BOC: variants seen among roughly 807,000 people sequenced by gnomAD.
BOC encodes brother of CDO.
A neutral mutation model predicts 112.0 loss-of-function variants in BOC; 76 were observed. The observed-to-expected ratio is 0.68, with a 90% CI of 0.56 to 0.82. The LOEUF (loss-of-function observed/expected upper bound fraction) is 0.82. BOC is among the 40% of genes least tolerant of loss of function. The pLI, the probability that BOC is intolerant of heterozygous loss-of-function variation, is 0.00. For synonymous variants in BOC, 580 were observed against 599.8 expected, an observed-to-expected ratio of 0.97 and a Z score of 0.48; for missense variants, 1,309 against 1,511.7, an observed-to-expected ratio of 0.87 and a Z score of 2.22.
chr3:113,284,555 C>T lies in BOC; in HGVS notation c.2877C>T (p.Gly959=), dbSNP rs765080286. ...TGAAGCCCCAGCAGCACTGCCCAGG[C>T]GAGCTTCAGCAGGTAGCGCATTCTT... is the stretch of plus-strand genomic sequence containing the variant. ...PGMKPQQHCP[G]ELQQQSDTSS... The change falls in exon 17 of 20, where the codon GGC becomes GGT. Residue 959 remains glycine (G), a synonymous_variant. Coordinates refer to ENST00000682979, the MANE Select transcript of BOC (RefSeq NM_001378074.1). 8.1e-6 allele frequency: 13 copies of T among 1,612,548 alleles called. No individual in the cohort carries two copies. The highest frequency in any genetic ancestry group is 5.5e-5 in the South Asian group (5 of 90,892).
chr3:113,261,971 TG>T (rs909249230), intron 4 of BOC: 13 of 150,606 alleles, frequency 8.6e-5, no homozygotes, highest in African/African-American at 2.7e-4. Flanking sequence ...TACAAAGGTT[TG>T]TTTTTTTTTT....
upstream of BOC, chr3:113,211,010 C>G (rs1486210689): frequency 6.6e-6 from 1 of 152,202 alleles, no homozygotes; most frequent in Non-Finnish European, 1.5e-5. Context: ...CCCAACCGAC[C>G]GAGGGGGTCG....
chr3:113,273,019 C>T (rs1948299152), intron 7 of BOC, 50 bp from the exon 8 acceptor site: 1 of 1,560,598 alleles, frequency 6.4e-7, no homozygotes, highest in African/African-American at 1.4e-5. Flanking sequence ...CCATCTGGCC[C>T]TGGGACAGAA....
chr3:113,264,773 C>A (rs1400435689), intron 4 of BOC, among the ~76,000 whole-genome samples: 1 of 152,090 alleles, frequency 6.6e-6, no homozygotes, highest in East Asian at 1.9e-4. Context: ...CTCAAGCAGC[C>A]AAATTGGGAG....
intron 2 of BOC, among the ~76,000 whole-genome samples, chr3:113,239,282 C>T (rs940427030): frequency 2.6e-5 from 4 of 152,056 alleles, no homozygotes; most frequent in Admixed American, 1.3e-4. Context: ...CAACACTGCT[C>T]ATGGCAGAGG....
intron 2 of BOC, among the ~76,000 whole-genome samples, chr3:113,245,858 G>C (rs1162570425): frequency 6.6e-6 from 1 of 152,204 alleles, no homozygotes; most frequent in Admixed American, 6.5e-5. Flanking sequence ...TTGTGTTTTA[G>C]ATCATAGAAG....
intron 2 of BOC, among the ~76,000 whole-genome samples, chr3:113,244,921 G>A (rs1490675978): frequency 6.6e-6 from 1 of 152,186 alleles, no homozygotes; most frequent in Non-Finnish European, 1.5e-5. Flanking sequence ...TTGCTAGGAG[G>A]TAGTGTTAAG....
At chr3:113,258,812 T>C (rs920410344) in intron 4 of BOC, among the ~76,000 whole-genome samples, 1 of 152,234 alleles carries the variant, frequency 6.6e-6, no homozygotes, top group African/African-American at 2.4e-5. Context: ...TTCCATACCA[T>C]AAGTTATGTG....
chr3:113,278,806 G>A lies in BOC; in HGVS notation c.1816+23G>A, dbSNP rs568724652. On this transcript the variant is annotated intron_variant, in intron 11 of 19. Transcript: ENST00000682979. This position sits in a 1 kb window ranked among gnomAD's most constrained non-coding sequence, Gnocchi z 4.2. ...CCCGTAAGCCGCTAGCAGCAGGGAC[G>A]GACGCGCAGTCAGGACTGGAACTGC... The A allele has an allele frequency of 2.3e-5, 36 of 1,546,280 alleles. No homozygotes were observed. The highest frequency in any genetic ancestry group is 1.6e-4 in the Admixed American group (8 of 51,054).
At chr3:113,269,414 T>C (rs769256644) in intron 5 of BOC, 23 of 152,004 alleles carry the variant, frequency 1.5e-4, no homozygotes, top group Non-Finnish European at 3.1e-4. Context: ...TTGACCTGAC[T>C]CCACAGCTCA....
chr3:113,252,421 A>G (rs191699449), intron 4 of BOC, among the ~76,000 whole-genome samples: 109 of 152,264 alleles, frequency 7.2e-4, no homozygotes, highest in Admixed American at 5.4e-3. Context: ...GTGCTACATC[A>G]TGGGGCTTAC....
At chr3:113,238,915 G>A (rs1943923519) in intron 2 of BOC, among the ~76,000 whole-genome samples, 1 of 152,212 alleles carries the variant, frequency 6.6e-6, no homozygotes, top group South Asian at 2.1e-4. Context: ...TTAGAAAGAA[G>A]GTAGATGGCA....
At chr3:113,211,048 G>A (rs568677655), upstream of BOC, 4 of 152,358 alleles carry the variant, frequency 2.6e-5, no homozygotes, top group East Asian at 3.9e-4. Context: ...GCTTCCCTGA[G>A]ATTGGTTTCC....
chr3:113,220,895 G>A (rs559781354), intron 2 of BOC, among the ~76,000 whole-genome samples: 6 of 152,250 alleles, frequency 3.9e-5, no homozygotes, highest in East Asian at 1.9e-4. Flanking sequence ...TGAAGTTTCC[G>A]GAGTTCCCAT....
At chr3:113,272,736 G>T in intron 7 of BOC, 33 bp downstream of exon 7, 1 of 1,606,804 alleles carries the variant, frequency 6.2e-7, no homozygotes, top group East Asian at 2.2e-5. Context: ...CTTCTGCTTG[G>T]CCTTCTCTCT....
rs758565661 is a variant in BOC, at chr3:113,272,551, G to T, written c.809G>T (p.Ser270Ile). Residue 270 changes from serine (S) to isoleucine (I), a missense_variant, in exon 7 of 20, where the codon AGT becomes ATT. Physicochemically the swap from Ser to Ile is moderately radical, Grantham distance 142 (BLOSUM62 -2). Transcript: ENST00000682979. ...PRVTWAKDGSSVTGYNKTRFL... is the reference protein window; with the variant it reads ...PRVTWAKDGSIVTGYNKTRFL... ...GTCACCTGGGCCAAGGATGGGTCCA[G>T]TGTCACCGGCTACAACAAGACGCGC... The T allele has an allele frequency of 6.2e-7, 1 of 1,614,070 alleles. No homozygotes were observed. Among genetic ancestry groups the T allele is most frequent in the Non-Finnish European group, 8.5e-7 (1 of 1,179,992 alleles).
rs550385695 is a variant in BOC at position 113,251,908 on chromosome 3, A to G, written c.376+1075A>G. ...TCATAGCTGGAAGAGGAGCCTTACC[A>G]AGACAGGTGTTTCTAGTTGCCATTA... On this transcript the variant is annotated intron_variant, in intron 4 of 19. Coordinates refer to ENST00000682979, the MANE Select transcript of BOC (RefSeq NM_001378074.1). 12 of 152,364 alleles carry G rather than the reference A, an allele frequency of 7.9e-5. No individual in the cohort carries two copies. In the South Asian group the frequency reaches 2.5e-3, roughly 32 times the overall value. The allele number at this position is 152,364 out of a possible 1,614,324, so 9.4% of individuals were successfully genotyped here. A position where few individuals can be genotyped will look rare whatever the true frequency, so the allele number is the denominator to read the frequency against.
At chr3:113,216,671 A>G (rs1324827023) in intron 2 of BOC, among the ~76,000 whole-genome samples, 1 of 152,254 alleles carries the variant, frequency 6.6e-6, no homozygotes, top group Admixed American at 6.5e-5. Flanking sequence ...TTATCTCACA[A>G]AAATCAGCGG....
At chr3:113,286,046 A>G (rs1214776906) in intron 19 of BOC, among the ~76,000 whole-genome samples, 1 of 152,070 alleles carries the variant, frequency 6.6e-6, no homozygotes, top group Non-Finnish European at 1.5e-5. Context: ...CTTCCACGGA[A>G]CTTTTTCTCC....
Sources: allele counts gnomAD v4.1 joint callset (sites outside exome capture counted in the v4.1 genomes callset), GRCh38; gene constraint gnomAD v4.1.1; non-coding constraint Gnocchi (gnomAD v3.1); transcripts MANE v1.5; gene names NCBI Gene and HGNC (gene_info 2026-07-23, HGNC 2026-07-21).